RBFOX1: variants seen among roughly 807,000 people sequenced by gnomAD.
RBFOX1 encodes the protein RNA binding fox-1 homolog 1.
In RBFOX1, 8 loss-of-function variants were observed where a neutral mutation model predicts 57.7. The ratio of observed to expected loss-of-function variants is 0.14; its 90% CI spans 0.08 to 0.25. The LOEUF is 0.25. RBFOX1 is among the 10% of genes least tolerant of loss of function. RBFOX1 has a pLI of 1.00. For missense variants in RBFOX1, 611 were observed against 548.5 expected, an observed-to-expected ratio of 1.11 and a Z score of -1.14; for synonymous variants, 326 against 222.4, an observed-to-expected ratio of 1.47 and a Z score of -4.15.
intron 4 of RBFOX1, among the ~76,000 whole-genome samples, chr16:7,076,960 G>T (rs1056999206): frequency 1.3e-5 from 2 of 152,210 alleles, no homozygotes; most frequent in Non-Finnish European, 2.9e-5. Flanking sequence ...TTCTGAAACA[G>T]CTTGGAAATG....
chr16:7,020,540 A>G (rs143074726), intron 3 of RBFOX1, among the ~76,000 whole-genome samples: 11 of 152,348 alleles, frequency 7.2e-5, no homozygotes, highest in African/African-American at 1.7e-4. Flanking sequence ...TTTTCAAAAT[A>G]TAATGTTTAT....
At chr16:6,021,848 TA>T (rs1301942918) in intron 1 of RBFOX1, among the ~76,000 whole-genome samples, 3 of 152,060 alleles carry the variant, frequency 2.0e-5, no homozygotes, top group African/African-American at 7.2e-5. Flanking sequence ...GGTTTGGGGG[TA>T]AATTACTTAA....
At chr16:7,328,187 C>G (rs1022895067) in intron 4 of RBFOX1, among the ~76,000 whole-genome samples, 5 of 151,968 alleles carry the variant, frequency 3.3e-5, no homozygotes, top group Admixed American at 6.6e-5. Flanking sequence ...CTGTTAAGAT[C>G]TGGGAAAGGA....
intron 1 of RBFOX1, among the ~76,000 whole-genome samples, chr16:6,215,242 G>C (rs1355240018): frequency 3.7e-5 from 5 of 133,986 alleles, no homozygotes; most frequent in African/African-American, 8.5e-5. Flanking sequence ...GGAAGAAGGA[G>C]AGGGAAGGGA....
At chr16:5,457,677 C>T (rs1193917740) in intron 1 of RBFOX1, among the ~76,000 whole-genome samples, 3 of 152,222 alleles carry the variant, frequency 2.0e-5, no homozygotes, top group African/African-American at 7.2e-5. Context: ...CTGCTTTCTC[C>T]AAGAAGCCTT....
At chr16:5,424,537 T>C (rs2067454241) in intron 1 of RBFOX1, among the ~76,000 whole-genome samples, 1 of 152,164 alleles carries the variant, frequency 6.6e-6, no homozygotes. Flanking sequence ...CTTTTTTTTT[T>C]TTTTTTAGCG....
At chr16:6,009,816 C>CTGTGTGTGTGTGTG (rs148472437) in intron 4 of RBFOX1, among the ~76,000 whole-genome samples, 47,272 of 148,336 alleles carry the variant, frequency 0.32, 9,833 homozygotes, top group African/African-American at 0.58. Context: ...GTGTGTGTGT[C>CTGTGTGTGTGTGTG]TGTGTGTGTG....
chr16:6,336,171 A>ATTTTTTTTTTTTTTTTTTTTTTTTT (rs2083662129), intron 2 of RBFOX1, among the ~76,000 whole-genome samples: 1 of 27,532 alleles, frequency 3.6e-5, no homozygotes, highest in Non-Finnish European at 6.8e-5. Context: ...ATATATATAT[A>ATTTTTTTTTTTTTTTTTTTTTTTTT]TATATATATA....
chr16:5,738,098 C>A (rs139088437), intron 3 of RBFOX1, among the ~76,000 whole-genome samples: 1,875 of 149,080 alleles, frequency 0.013, 36 homozygotes, highest in African/African-American at 0.043. Context: ...TGAGTGAGAA[C>A]ATGCAGTGTT....
At position 5,871,876 on chromosome 16, in the gene RBFOX1, C is replaced by T. The variant is rs149442993; in HGVS notation, c.351+4541C>T. Among the ~76,000 whole-genome samples, 38 of 152,270 alleles carry T rather than the reference C, an allele frequency of 2.5e-4. No homozygotes were observed. The East Asian group carries it at 5.4e-3, about 22-fold the overall frequency. ...TGCTTTTATTTCATGGCAAAGCAAT[C>T]GAACTGAGATTGATTGATATTACAG... is the stretch of plus-strand genomic sequence containing the variant. On this transcript the variant is annotated intron_variant, in intron 4 of 19. Transcript: ENST00000641259.
chr16:7,473,439 T>G (rs2061975677), intron 4 of RBFOX1, among the ~76,000 whole-genome samples: 1 of 148,124 alleles, frequency 6.8e-6, no homozygotes, highest in Non-Finnish European at 1.5e-5. Context: ...ATAATATATA[T>G]TTTATACATT....
chr16:5,481,279 G>C (rs1282947208), intron 2 of RBFOX1, among the ~76,000 whole-genome samples: 1 of 152,154 alleles, frequency 6.6e-6, no homozygotes, highest in Non-Finnish European at 1.5e-5. Flanking sequence ...CCAGCATAAT[G>C]TCTGGTTTCT....
intron 3 of RBFOX1, chr16:6,775,997 A>C (rs1174270017): frequency 6.6e-6 from 1 of 152,218 alleles, no homozygotes; most frequent in African/African-American, 2.4e-5. Context: ...TCACAGCCAC[A>C]AATTTCTTTC....
intron 4 of RBFOX1, among the ~76,000 whole-genome samples, chr16:7,408,586 G>A (rs1249403733): frequency 6.6e-6 from 1 of 152,172 alleles, no homozygotes; most frequent in African/African-American, 2.4e-5. Context: ...TAACTGACTT[G>A]ATAATTTAAT....
intron 4 of RBFOX1, among the ~76,000 whole-genome samples, chr16:5,879,760 G>T (rs934163621): frequency 1.3e-5 from 2 of 152,188 alleles, no homozygotes; most frequent in African/African-American, 2.4e-5. Context: ...TGAGAGCTGG[G>T]GGTGGCTCTA....
chr16:5,303,635 C>G (rs1472229052), intron 1 of RBFOX1, among the ~76,000 whole-genome samples: 1 of 152,166 alleles, frequency 6.6e-6, no homozygotes, highest in Non-Finnish European at 1.5e-5. Flanking sequence ...TCCTCTCTCC[C>G]CCACCACAGT....
At chr16:7,290,983 A>T (rs2095759094) in intron 4 of RBFOX1, among the ~76,000 whole-genome samples, 2 of 152,200 alleles carry the variant, frequency 1.3e-5, no homozygotes, top group African/African-American at 4.8e-5. Context: ...TGCACATTTC[A>T]TTCTGTGATT....
At chr16:5,797,342 C>T (rs987351275) in intron 3 of RBFOX1, among the ~76,000 whole-genome samples, 1 of 152,222 alleles carries the variant, frequency 6.6e-6, no homozygotes, top group African/African-American at 2.4e-5. Flanking sequence ...ACACCCACTT[C>T]TTGGGACCCT....
At chr16:7,035,810 G>C (rs1332211172) in intron 3 of RBFOX1, among the ~76,000 whole-genome samples, 1 of 152,226 alleles carries the variant, frequency 6.6e-6, no homozygotes, top group South Asian at 2.1e-4. Context: ...GGGGTTTTAA[G>C]AGTTCATTTT....
Sources: gnomAD v4.1 joint callset for allele counts (sites outside exome capture counted in the v4.1 genomes callset) on GRCh38, gnomAD v4.1.1 for gene constraint, MANE v1.5 for transcripts, NCBI Gene and HGNC (gene_info 2026-07-23, HGNC 2026-07-21) for gene names.